SNX6: variants seen among roughly 807,000 people sequenced by gnomAD.
SNX6 encodes the protein sorting nexin 6, also known as sorting nexin-6.
SNX6 carries 34 observed loss-of-function variants against 63.0 expected under a neutral mutation model. The observed-to-expected ratio is 0.54, with a 90% CI of 0.41 to 0.72. SNX6 has a LOEUF of 0.72. Ranked by LOEUF, SNX6 falls within the 30% of genes least tolerant of loss-of-function variation. The pLI is 0.00. For synonymous variants in SNX6, 170 were observed against 164.2 expected (o/e 1.04, Z -0.27); for missense variants, 398 against 471.4 (o/e 0.84, Z 1.44).
intron 2 of SNX6, among the ~76,000 whole-genome samples, chr14:34,619,599 A>C (rs1883551843): frequency 6.6e-6 from 1 of 152,162 alleles, no homozygotes; most frequent in African/African-American, 2.4e-5. Flanking sequence ...CCCTGCCTTC[A>C]AGAAATCTGT....
chr14:34,567,801 T>A (rs765564940), intron 12 of SNX6, 30 bp from the exon 13 acceptor site: 61 of 1,612,282 alleles, frequency 3.8e-5, no homozygotes, highest in Non-Finnish European at 5.0e-5. Flanking sequence ...ATTATTTAAT[T>A]TACATAATAG....
At chr14:34,588,831 G>C (rs922111540) in intron 8 of SNX6, among the ~76,000 whole-genome samples, 1 of 152,074 alleles carries the variant, frequency 6.6e-6, no homozygotes, top group Non-Finnish European at 1.5e-5. Flanking sequence ...AAATTCATAT[G>C]AAAATATAAA....
intron 10 of SNX6, among the ~76,000 whole-genome samples, chr14:34,576,054 G>C (rs544026101): frequency 1.3e-5 from 2 of 151,810 alleles, no homozygotes; most frequent in East Asian, 3.9e-4. Context: ...CTCCCGAGCA[G>C]CTGGGACTAC....
At chr14:34,620,235 G>A (rs1371262946) in intron 2 of SNX6, among the ~76,000 whole-genome samples, 2 of 152,136 alleles carry the variant, frequency 1.3e-5, no homozygotes, top group African/African-American at 4.8e-5. Flanking sequence ...CCCTCAACAA[G>A]TGAACTTGCC....
intron 5 of SNX6, 37 bp downstream of exon 5, chr14:34,605,559 C>CAAAAAAAAA: frequency 7.8e-7 from 1 of 1,279,606 alleles, no homozygotes; most frequent in Non-Finnish European, 1.0e-6. Context: ...CAACAACAAC[C>CAAAAAAAAA]AAAAAAAAAA....
At chr14:34,579,637 AT>A (rs1881857729) in intron 10 of SNX6, among the ~76,000 whole-genome samples, 1 of 152,062 alleles carries the variant, frequency 6.6e-6, no homozygotes. Context: ...AACTACATCT[AT>A]GTGCAACAAC....
intron 7 of SNX6, among the ~76,000 whole-genome samples, chr14:34,595,435 C>A (rs1383715096): frequency 6.6e-6 from 1 of 152,148 alleles, no homozygotes; most frequent in Non-Finnish European, 1.5e-5. Flanking sequence ...CTGTGCCCGG[C>A]CACAGTTTTC....
chr14:34,576,214 C>G (rs924208456), intron 10 of SNX6, among the ~76,000 whole-genome samples: 1 of 151,742 alleles, frequency 6.6e-6, no homozygotes, highest in African/African-American at 2.4e-5. Flanking sequence ...CGTGAGCCAC[C>G]GCGCCCGGCC....
At chr14:34,568,798 A>G in intron 11 of SNX6, 2 of 986,712 alleles carry the variant, frequency 2.0e-6, no homozygotes, top group Non-Finnish European at 3.2e-6. Flanking sequence ...CACCATTTTT[A>G]GCCCCTCCAG....
Position 34,585,415 on chromosome 14 carries a change from G to A in SNX6, c.794+815C>T, listed in dbSNP as rs138405084. 4.8e-3 allele frequency among the ~76,000 whole-genome samples: 731 copies of A among 152,074 alleles called. 1 individual carries two copies. Among genetic ancestry groups the A allele is most frequent in the Non-Finnish European group, 7.6e-3 (516 of 67,984 alleles). ...GGCACCTGTAATCCCAGCTACTTTG[G>A]AAGCTGAGGTGGGAGAACTGCTTGA... On this transcript the variant is annotated intron_variant, in intron 9 of 13. Coordinates refer to ENST00000362031, the MANE Select transcript of SNX6 (RefSeq NM_152233.4).
intron 10 of SNX6, among the ~76,000 whole-genome samples, chr14:34,581,017 A>C (rs938870611): frequency 6.6e-6 from 1 of 151,952 alleles, no homozygotes; most frequent in Admixed American, 6.6e-5. Context: ...TTCCTGAAAA[A>C]CTCCCAATGG....
intron 13 of SNX6, among the ~76,000 whole-genome samples, chr14:34,567,158 A>C (rs1486440482): frequency 6.6e-6 from 1 of 151,990 alleles, no homozygotes; most frequent in Non-Finnish European, 1.5e-5. Flanking sequence ...TGGGAAGCAG[A>C]GGTTGCGGAG....
intron 8 of SNX6, among the ~76,000 whole-genome samples, chr14:34,591,537 C>T (rs1412094482): frequency 6.6e-6 from 1 of 151,826 alleles, no homozygotes; most frequent in East Asian, 1.9e-4. Context: ...GTGGCAGAGG[C>T]TGCAGTGAGA....
At chr14:34,579,506 G>T (rs944270740) in intron 10 of SNX6, among the ~76,000 whole-genome samples, 10 of 152,020 alleles carry the variant, frequency 6.6e-5, no homozygotes, top group African/African-American at 2.4e-4. Flanking sequence ...TACTTGGGAG[G>T]CTGAGGCAAG....
chr14:34,607,382 G>A (rs1053203166), intron 4 of SNX6, among the ~76,000 whole-genome samples: 4 of 151,774 alleles, frequency 2.6e-5, no homozygotes, highest in African/African-American at 9.7e-5. Context: ...GAGGCAGGGG[G>A]AATCACCTGA....
At chr14:34,572,752 C>T (rs903597195) in intron 11 of SNX6, among the ~76,000 whole-genome samples, 3 of 152,018 alleles carry the variant, frequency 2.0e-5, no homozygotes, top group African/African-American at 4.8e-5. Flanking sequence ...GCGATCTCGG[C>T]TCACTGCAAG....
chr14:34,584,666 C>T (rs1594711732), intron 9 of SNX6, among the ~76,000 whole-genome samples: 1 of 152,006 alleles, frequency 6.6e-6, no homozygotes, highest in Middle Eastern at 3.4e-3. Context: ...CTTAAGAACA[C>T]TCTAACATAA....
chr14:34,618,202 T>C (rs981205674), intron 2 of SNX6, among the ~76,000 whole-genome samples: 2 of 152,210 alleles, frequency 1.3e-5, no homozygotes, highest in Non-Finnish European at 1.5e-5. Flanking sequence ...ATCATTAAAC[T>C]AGAAATCATT....
At chr14:34,581,873 G>C (rs561938511) in intron 9 of SNX6, among the ~76,000 whole-genome samples, 60 of 152,182 alleles carry the variant, frequency 3.9e-4, no homozygotes, top group African/African-American at 1.4e-3. Flanking sequence ...TTGTTGCGCA[G>C]AACGGAGTGC....
Sources: allele counts gnomAD v4.1 joint callset (sites outside exome capture counted in the v4.1 genomes callset), GRCh38; gene constraint gnomAD v4.1.1; transcripts MANE v1.5; gene names NCBI Gene and HGNC (gene_info 2026-07-23, HGNC 2026-07-21).